The following LAMA1 variants were observed in gnomAD, a reference collection of about 807,000 sequenced individuals.
LAMA1 encodes laminin subunit alpha 1, also known as laminin subunit alpha-1.
LAMA1 carries 219 observed loss-of-function variants against 348.7 expected under a neutral mutation model. The observed-to-expected ratio is 0.63, with a 90% CI of 0.56 to 0.70. LAMA1 has a LOEUF of 0.70. Ranked by LOEUF, LAMA1 falls within the 30% of genes least tolerant of loss-of-function variation. The probability of loss-of-function intolerance (pLI) is 0.00; values close to 1 mark genes in which losing one functional copy is unlikely to be tolerated. For synonymous variants in LAMA1, 1,487 were observed against 1,491.0 expected (o/e 1.00, Z 0.06); for missense variants, 3,744 against 3,888.0 (o/e 0.96, Z 0.99).
Position 6,956,626 on chromosome 18 carries a change from C to A in LAMA1, c.8094+10G>T. 1 of 1,613,940 alleles carries A rather than the reference C, an allele frequency of 6.2e-7. No individual in the cohort carries two copies. Among genetic ancestry groups the A allele is most frequent in the South Asian group, 1.1e-5 (1 of 91,082 alleles). On this transcript the variant is annotated intron_variant, in intron 56 of 62. Transcript: ENST00000389658. ...TGGACCTGACTGATAGTAAAGGAAGCCGCTCCTACTGGAAAAGCCCGGGGC... is the reference window on the plus strand; with the variant it reads ...TGGACCTGACTGATAGTAAAGGAAGACGCTCCTACTGGAAAAGCCCGGGGC...
intron 3 of LAMA1, among the ~76,000 whole-genome samples, chr18:7,053,558 G>GA (rs371872897): frequency 2.7e-5 from 4 of 150,262 alleles, no homozygotes; most frequent in South Asian, 2.1e-4. Flanking sequence ...AAACTGGGGG[G>GA]AAAAAAAAAT....
intron 1 of LAMA1, 143 bp from the exon 2 acceptor site, chr18:7,080,600 G>T: frequency 1.2e-6 from 1 of 868,212 alleles, no homozygotes; most frequent in Non-Finnish European, 1.9e-6. Context: ...CACCGTATAC[G>T]CAGCATGGTT....
chr18:7,092,569 G>A (rs1389419726), intron 1 of LAMA1, among the ~76,000 whole-genome samples: 1 of 150,262 alleles, frequency 6.7e-6, no homozygotes, highest in Non-Finnish European at 1.5e-5. Flanking sequence ...AGGCTGCAGT[G>A]AGCTGGGATC....
At chr18:7,076,563 T>A (rs78644289) in intron 3 of LAMA1, among the ~76,000 whole-genome samples, 11,104 of 152,122 alleles carry the variant, frequency 0.073, 554 homozygotes, top group Non-Finnish European at 0.097. Flanking sequence ...TATTCATATA[T>A]TCAATAGCAT....
In LAMA1 at chr18:7,094,391, C is replaced by A. The variant is rs186925637; in HGVS notation, c.62-13934G>T. Among the ~76,000 whole-genome samples, 122 of 143,776 alleles carry A rather than the reference C, an allele frequency of 8.5e-4. 1 individual carries two copies. The highest frequency in any genetic ancestry group is 3.1e-3 in the African/African-American group (120 of 38,316). 94.3% of individuals were successfully genotyped at this position (143,776 alleles called of 152,430 possible). A position where few individuals can be genotyped will look rare whatever the true frequency, so the allele number is the denominator to read the frequency against. On this transcript the variant is annotated intron_variant, in intron 1 of 62. Transcript: ENST00000389658. ...GTGAGCCTAGATTATTGCGCCACTG[C>A]ACTCCAGCTTGGGTGACAGAGCAAG...
At chr18:7,094,748 C>T (rs1484747008) in intron 1 of LAMA1, among the ~76,000 whole-genome samples, 1 of 152,182 alleles carries the variant, frequency 6.6e-6, no homozygotes, top group Non-Finnish European at 1.5e-5. Context: ...GGAACAAGTT[C>T]AACTCAGTAA....
In LAMA1 at chr18:7,117,761, G is replaced by A. The variant is rs2058364236; in HGVS notation, c.-41C>T. 2 of 1,567,390 alleles carry A rather than the reference G, an allele frequency of 1.3e-6. No individual in the cohort carries two copies. Among genetic ancestry groups the A allele is most frequent in the East Asian group, 2.3e-5 (1 of 43,478 alleles). On this transcript the variant is annotated 5_prime_UTR_variant, in exon 1 of 63. Transcript: ENST00000389658. ...ACTCGGTGGGTCTGGGGAGAAAGCC[G>A]CGCGCCCGCCTGGAACGCTCCACGG... is the stretch of plus-strand genomic sequence containing the variant.
intron 1 of LAMA1, 57 bp downstream of exon 1, chr18:7,117,603 C>T: frequency 6.4e-7 from 1 of 1,558,128 alleles, no homozygotes; most frequent in Non-Finnish European, 8.7e-7. Context: ...TGTCCGCGGC[C>T]GCCCCCGCCC....
At chr18:7,078,321 C>T (rs958636244) in intron 3 of LAMA1, among the ~76,000 whole-genome samples, 1 of 151,226 alleles carries the variant, frequency 6.6e-6, no homozygotes, top group Non-Finnish European at 1.5e-5. Context: ...CGCCTGCCAC[C>T]ACGCCCAGCT....
intron 1 of LAMA1, among the ~76,000 whole-genome samples, chr18:7,114,538 T>C (rs2058348414): frequency 6.6e-6 from 1 of 152,228 alleles, no homozygotes. Context: ...GAGGGTTAAC[T>C]CTGTACTAGA....
chr18:7,109,321 G>A (rs983293365), intron 1 of LAMA1, among the ~76,000 whole-genome samples: 4 of 152,246 alleles, frequency 2.6e-5, no homozygotes, highest in Non-Finnish European at 4.4e-5. Context: ...CCCTGGGGTT[G>A]TCTGTGTATT....
intron 31 of LAMA1, 23 bp downstream of exon 31, chr18:6,999,888 C>T: frequency 6.2e-7 from 1 of 1,601,452 alleles, no homozygotes; most frequent in Non-Finnish European, 8.6e-7. Context: ...CAGGGATTTC[C>T]ACATGACAAT....
At chr18:7,082,906 C>G (rs1490776921) in intron 1 of LAMA1, among the ~76,000 whole-genome samples, 1 of 142,538 alleles carries the variant, frequency 7.0e-6, no homozygotes, top group Non-Finnish European at 1.5e-5. Flanking sequence ...TATTCACCCC[C>G]ACCAGTTGCA....
intron 1 of LAMA1, among the ~76,000 whole-genome samples, chr18:7,083,479 C>T (rs1200410536): frequency 1.3e-5 from 2 of 151,926 alleles, no homozygotes; most frequent in Non-Finnish European, 2.9e-5. Context: ...AGCCACCGCG[C>T]CGGGCCCTAA....
intron 48 of LAMA1, among the ~76,000 whole-genome samples, chr18:6,967,646 G>A (rs550682825): frequency 1.0e-3 from 157 of 152,222 alleles, no homozygotes; most frequent in African/African-American, 3.2e-3. Flanking sequence ...TCGATGGGCC[G>A]GTCTTCATTT....
At chr18:7,011,960 T>A (rs496865) in intron 24 of LAMA1, 35 bp downstream of exon 24, 409,996 of 1,573,740 alleles carry the variant, frequency 0.26, 58,401 homozygotes, top group African/African-American at 0.57. Context: ...GGGAGTGGGG[T>A]TAGAAGCAGA....
intron 57 of LAMA1, among the ~76,000 whole-genome samples, chr18:6,952,033 G>A (rs1313382654): frequency 6.6e-6 from 1 of 152,112 alleles, no homozygotes; most frequent in Admixed American, 6.5e-5. Flanking sequence ...TGCAGATCTC[G>A]AGTGGCTGGT....
At chr18:7,081,318 T>C (rs890326639) in intron 1 of LAMA1, among the ~76,000 whole-genome samples, 5 of 152,224 alleles carry the variant, frequency 3.3e-5, no homozygotes, top group Non-Finnish European at 2.9e-5. Flanking sequence ...AATCCAAACG[T>C]CTTTCACTTG....
chr18:7,050,352 C>T lies in LAMA1; in HGVS notation c.588+342G>A, dbSNP rs141428343. Among the ~76,000 whole-genome samples, 1,176 of 152,240 alleles carry T rather than the reference C, an allele frequency of 7.7e-3. 10 individuals are homozygous for T. Among genetic ancestry groups the T allele is most frequent in the Non-Finnish European group, 0.013 (877 of 68,016 alleles). On this transcript the variant is annotated intron_variant, in intron 4 of 62. Transcript: ENST00000389658. ...TGCTCACCACCTACCGAGGAGAACA[C>T]TGAGAAAAGGGAACTACAACTTTGG...
Sources: gnomAD v4.1 joint callset for allele counts (sites outside exome capture counted in the v4.1 genomes callset) on GRCh38, gnomAD v4.1.1 for gene constraint, MANE v1.5 for transcripts, NCBI Gene and HGNC (gene_info 2026-07-23, HGNC 2026-07-21) for gene names.